LRP1B: variants seen among roughly 807,000 people sequenced by gnomAD.
LRP1B encodes the protein low-density lipoprotein receptor-related protein 1B.
Under a neutral mutation model 556.6 loss-of-function variants are expected in LRP1B, and 217 were observed. That is an observed-to-expected ratio of 0.39 (90% confidence interval 0.35 to 0.44). The LOEUF (loss-of-function observed/expected upper bound fraction) is 0.44. LRP1B is among the 20% of genes least tolerant of loss of function. LRP1B has a pLI of 1.00. For missense variants in LRP1B, 5,053 were observed against 5,620.8 expected (o/e 0.90, Z 3.23); for synonymous variants, 2,047 against 1,865.8 (o/e 1.10, Z -2.50).
intron 6 of LRP1B, among the ~76,000 whole-genome samples, chr2:141,198,295 GTAT>G (rs993375403): frequency 2.6e-5 from 4 of 152,106 alleles, no homozygotes; most frequent in Non-Finnish European, 5.9e-5. Flanking sequence ...AATTAAAATG[GTAT>G]TATGGAAGTT....
chr2:140,858,346 T>C (rs1004861083), intron 27 of LRP1B, among the ~76,000 whole-genome samples: 2 of 151,910 alleles, frequency 1.3e-5, no homozygotes, highest in African/African-American at 4.8e-5. Flanking sequence ...TATATAAATA[T>C]ATGAAATAAA....
chr2:140,633,787 A>G (rs1455940444), intron 41 of LRP1B, among the ~76,000 whole-genome samples: 1 of 152,200 alleles, frequency 6.6e-6, no homozygotes, highest in Non-Finnish European at 1.5e-5. Context: ...TGAATAACCT[A>G]TTAAAGAAAT....
At chr2:140,278,035 A>AC (rs1682756710) in intron 84 of LRP1B, among the ~76,000 whole-genome samples, 1 of 31,052 alleles carries the variant, frequency 3.2e-5, no homozygotes, top group Non-Finnish European at 1.0e-4. Flanking sequence ...GCACATATAC[A>AC]AACACACACA....
At chr2:140,835,642 A>T (rs1309671147) in intron 31 of LRP1B, among the ~76,000 whole-genome samples, 1 of 152,084 alleles carries the variant, frequency 6.6e-6, no homozygotes, top group African/African-American at 2.4e-5. Flanking sequence ...GGTTCAAATG[A>T]TTCTCCTGCC....
intron 32 of LRP1B, among the ~76,000 whole-genome samples, chr2:140,789,818 G>A (rs1456951370): frequency 6.6e-6 from 1 of 151,034 alleles, no homozygotes; most frequent in Non-Finnish European, 1.5e-5. Flanking sequence ...TTTTAGTAGA[G>A]ACGGGGTTTC....
In LRP1B at chr2:140,564,313, C is replaced by A. The variant is rs181957930; in HGVS notation, c.7195-22342G>T. Among the ~76,000 whole-genome samples the A allele has an allele frequency of 2.0e-5, 3 of 152,122 alleles. No homozygotes were observed. In the East Asian group the frequency reaches 5.8e-4, roughly 29 times the overall value. ...GCAAATTAAAAATCCTTTAGATATT[C>A]ACTTTAGCAATATGTATTGTTTTCC... On this transcript the variant is annotated intron_variant, in intron 43 of 90. Transcript: ENST00000389484.
chr2:141,330,853 G>C (rs568641100), intron 3 of LRP1B, among the ~76,000 whole-genome samples: 1 of 150,234 alleles, frequency 6.7e-6, no homozygotes, highest in South Asian at 2.1e-4. Flanking sequence ...CCCAGGCTTA[G>C]GCCATTCTCC....
chr2:141,003,809 C>T (rs1697493120), intron 15 of LRP1B, among the ~76,000 whole-genome samples: 1 of 152,004 alleles, frequency 6.6e-6, no homozygotes, highest in Admixed American at 6.6e-5. Flanking sequence ...ATACAAATCA[C>T]AAACTGTATT....
At chr2:141,690,384 A>G (rs1691471653) in intron 2 of LRP1B, among the ~76,000 whole-genome samples, 1 of 99,640 alleles carries the variant, frequency 1.0e-5, no homozygotes. Flanking sequence ...CAGAAAAGGG[A>G]TTACATCTAT....
At chr2:141,265,262 G>A (rs1477322007) in intron 3 of LRP1B, among the ~76,000 whole-genome samples, 1 of 152,172 alleles carries the variant, frequency 6.6e-6, no homozygotes, top group African/African-American at 2.4e-5. Flanking sequence ...CCTCTATGTT[G>A]CAGGGCACCC....
intron 22 of LRP1B, among the ~76,000 whole-genome samples, chr2:140,906,378 T>G (rs1694254482): frequency 3.3e-5 from 5 of 152,158 alleles, no homozygotes; most frequent in Admixed American, 3.3e-4. Context: ...AAGTGAAGAA[T>G]AGGAAAATGA....
chr2:140,506,504 G>C (rs139367498), intron 53 of LRP1B, among the ~76,000 whole-genome samples: 1 of 151,994 alleles, frequency 6.6e-6, no homozygotes, highest in South Asian at 2.1e-4. Context: ...TCAGCCTCCC[G>C]AAGTGCTAGG....
intron 67 of LRP1B, among the ~76,000 whole-genome samples, chr2:140,380,765 A>G (rs544803179): frequency 2.0e-5 from 3 of 152,324 alleles, no homozygotes; most frequent in East Asian, 3.9e-4. Context: ...GCCTTGACAC[A>G]CTTTGCTATA....
At chr2:141,978,584 C>T (rs1471761422) in intron 1 of LRP1B, among the ~76,000 whole-genome samples, 1 of 151,798 alleles carries the variant, frequency 6.6e-6, no homozygotes. Flanking sequence ...TATGAAAATA[C>T]AGGGCAGGTT....
chr2:141,797,788 A>G (rs1028825929), intron 2 of LRP1B, among the ~76,000 whole-genome samples: 2 of 152,178 alleles, frequency 1.3e-5, no homozygotes, highest in African/African-American at 4.8e-5. Context: ...CAATGAGGAA[A>G]GTGTACCATA....
chr2:141,704,149 T>A (rs1306695683), intron 2 of LRP1B, among the ~76,000 whole-genome samples: 2 of 151,930 alleles, frequency 1.3e-5, no homozygotes, highest in Non-Finnish European at 2.9e-5. Flanking sequence ...TAATATAATG[T>A]TCTTGGTGAA....
intron 3 of LRP1B, among the ~76,000 whole-genome samples, chr2:141,327,530 T>C (rs1687470045): frequency 6.6e-6 from 1 of 152,190 alleles, no homozygotes; most frequent in South Asian, 2.1e-4. Flanking sequence ...CACATCTATA[T>C]TTTTCAGAAA....
At chr2:141,341,930 G>T (rs4536594) in intron 3 of LRP1B, among the ~76,000 whole-genome samples, 91,473 of 151,778 alleles carry the variant, frequency 0.6, 28,444 homozygotes, top group African/African-American at 0.68. Flanking sequence ...TAATCAAAAT[G>T]TTAAGGTCAT....
chr2:141,734,161 G>A (rs1194113498), intron 2 of LRP1B, among the ~76,000 whole-genome samples: 1 of 152,074 alleles, frequency 6.6e-6, no homozygotes, highest in Non-Finnish European at 1.5e-5. Flanking sequence ...TGAATCCATT[G>A]TAATTAATTG....
Sources: allele counts gnomAD v4.1 joint callset (sites outside exome capture counted in the v4.1 genomes callset), GRCh38; gene constraint gnomAD v4.1.1; transcripts MANE v1.5; gene names NCBI Gene and HGNC (gene_info 2026-07-23, HGNC 2026-07-21).